The following ROBO1 variants were observed in gnomAD, a reference collection of about 807,000 sequenced individuals.
ROBO1 encodes the protein roundabout guidance receptor 1.
In ROBO1, 149 loss-of-function variants were observed where a neutral mutation model predicts 195.9. That is an observed-to-expected ratio of 0.76 (90% confidence interval 0.67 to 0.87). The LOEUF is 0.87. Among genes scored for constraint, ROBO1 ranks in the 40% least tolerant of loss-of-function variants. The pLI is 0.00. For synonymous variants in ROBO1, 816 were observed against 733.2 expected (o/e 1.11, Z -1.82); for missense variants, 1,933 against 2,068.3 (o/e 0.93, Z 1.27).
At chr3:79,078,717 A>G (rs2079218409) in intron 3 of ROBO1, among the ~76,000 whole-genome samples, 1 of 151,834 alleles carries the variant, frequency 6.6e-6, no homozygotes, top group African/African-American at 2.4e-5. Flanking sequence ...GGAACAGTTT[A>G]TAAAGCACTT....
intron 18 of ROBO1, among the ~76,000 whole-genome samples, chr3:78,656,288 C>T (rs536817759): frequency 3.3e-5 from 5 of 149,854 alleles, no homozygotes; most frequent in South Asian, 4.2e-4. Context: ...ATAAATTGGT[C>T]GTTGCTATAA....
intron 18 of ROBO1, among the ~76,000 whole-genome samples, chr3:78,655,593 C>A (rs1014349296): frequency 6.6e-6 from 1 of 152,168 alleles, no homozygotes; most frequent in Non-Finnish European, 1.5e-5. Flanking sequence ...GCAAGTGTAT[C>A]TATTACCGCA....
At chr3:78,972,333 G>A (rs1025112902) in intron 3 of ROBO1, among the ~76,000 whole-genome samples, 5 of 152,224 alleles carry the variant, frequency 3.3e-5, no homozygotes, top group Non-Finnish European at 1.5e-5. Flanking sequence ...CCAGGTCAAC[G>A]CTACATAGTA....
chr3:79,360,875 G>C (rs1167962111), intron 2 of ROBO1, among the ~76,000 whole-genome samples: 1 of 152,024 alleles, frequency 6.6e-6, no homozygotes, highest in African/African-American at 2.4e-5. Context: ...TATTTCTCTA[G>C]TGTGAAATAA....
intron 2 of ROBO1, among the ~76,000 whole-genome samples, chr3:79,143,578 G>A (rs1263543972): frequency 1.3e-5 from 2 of 151,992 alleles, no homozygotes; most frequent in Non-Finnish European, 2.9e-5. Flanking sequence ...GTATTCTGCT[G>A]TTTATTCTAC....
intron 2 of ROBO1, among the ~76,000 whole-genome samples, chr3:79,573,292 T>C (rs910920612): frequency 1.3e-5 from 2 of 152,132 alleles, no homozygotes; most frequent in Non-Finnish European, 2.9e-5. Context: ...GATCAAGCAA[T>C]CCTCCTTCTT....
At position 78,713,150 on chromosome 3, in the gene ROBO1, C is replaced by A. The variant is rs1192637303; in HGVS notation, c.1045+1247G>T. Among the ~76,000 whole-genome samples, 3 of 152,076 alleles carry A rather than the reference C, an allele frequency of 2.0e-5. No homozygotes were observed. The East Asian group carries it at 5.8e-4, about 29-fold the overall frequency. On this transcript the variant is annotated intron_variant, in intron 8 of 30. Coordinates refer to ENST00000464233, the MANE Select transcript of ROBO1 (RefSeq NM_002941.4). ...AACTTAGATTAAAGAGTAGTCTTGG[C>A]CTTAGAAACTCAATGTTTGTTCTTG...
chr3:79,423,602 C>A (rs755181975), intron 2 of ROBO1, among the ~76,000 whole-genome samples: 2 of 152,024 alleles, frequency 1.3e-5, no homozygotes, highest in South Asian at 2.1e-4. Context: ...ATTGAGAATG[C>A]GTGACTCATC....
At position 78,920,113 on chromosome 3, in the gene ROBO1, A is replaced by G. The variant is rs150523112; in HGVS notation, c.499+18488T>C. On this transcript the variant is annotated intron_variant, in intron 4 of 30. Transcript: ENST00000464233. ...CGTATTTTGCAACATACTGACTACTATAGTAACAATTATATTCCCAAAGGA... is the reference window on the plus strand; with the variant it reads ...CGTATTTTGCAACATACTGACTACTGTAGTAACAATTATATTCCCAAAGGA... Among the ~76,000 whole-genome samples, 55 of 152,328 alleles carry G rather than the reference A, an allele frequency of 3.6e-4. No individual in the cohort carries two copies. In the East Asian group the frequency reaches 8.3e-3, roughly 23 times the overall value.
intron 3 of ROBO1, among the ~76,000 whole-genome samples, chr3:79,051,473 C>T (rs868169618): frequency 6.6e-6 from 1 of 152,074 alleles, no homozygotes; most frequent in Non-Finnish European, 1.5e-5. Context: ...AATTCTACCA[C>T]AGGTACAAAC....
chr3:79,364,738 G>A (rs1324389251), intron 2 of ROBO1, among the ~76,000 whole-genome samples: 1 of 152,036 alleles, frequency 6.6e-6, no homozygotes, highest in East Asian at 1.9e-4. Context: ...ATCAAAAAAG[G>A]CATTGACATC....
rs746537675 is a variant in ROBO1, at chr3:78,938,750, G to A, written c.350C>T (p.Ser117Leu). The change falls in exon 4 of 31, where the codon TCA (serine) becomes TTA (leucine). Residue 117 changes from serine (S) to leucine (L), a missense_variant. Around this residue, in one of 3 missense-constraint regions of ROBO1, gnomAD observed 185 missense variants for 159.5 expected, o/e 1.16. Coordinates refer to ENST00000464233, the MANE Select transcript of ROBO1 (RefSeq NM_002941.4). ...RVETDKDDPRSHRMLLPSGSL... is the reference protein window; with the variant it reads ...RVETDKDDPRLHRMLLPSGSL... The stretch of plus-strand genomic sequence containing the variant: ...TCCACTCGGCAGCAACATTCGGTGT[G>A]AGCGAGGGTCATCTTTGTCTGTCTC... 3 of 1,613,976 alleles carry A rather than the reference G, an allele frequency of 1.9e-6. No homozygotes were observed. The South Asian group carries it at 3.3e-5, about 18-fold the overall frequency.
chr3:79,701,048 C>A (rs2107158957), intron 1 of ROBO1, among the ~76,000 whole-genome samples: 1 of 151,890 alleles, frequency 6.6e-6, no homozygotes, highest in South Asian at 2.1e-4. Flanking sequence ...CATATGGTAG[C>A]CATTTATCCC....
intron 3 of ROBO1, among the ~76,000 whole-genome samples, chr3:78,971,522 G>A (rs1018912127): frequency 6.6e-6 from 1 of 152,160 alleles, no homozygotes; most frequent in African/African-American, 2.4e-5. Context: ...ACACAGAAAA[G>A]GAGGTCTTGC....
At chr3:79,344,668 G>T (rs539326543) in intron 2 of ROBO1, among the ~76,000 whole-genome samples, 1 of 152,058 alleles carries the variant, frequency 6.6e-6, no homozygotes, top group East Asian at 1.9e-4. Context: ...CTTTTGTTAG[G>T]ATAGGTATGA....
chr3:78,960,672 C>T (rs1041023120), intron 3 of ROBO1, among the ~76,000 whole-genome samples: 3 of 151,628 alleles, frequency 2.0e-5, no homozygotes, highest in Non-Finnish European at 4.4e-5. Context: ...CTCAGTTCCT[C>T]GGGAGGCTGA....
chr3:79,735,726 C>G (rs1377263059), intron 1 of ROBO1, among the ~76,000 whole-genome samples: 1 of 152,004 alleles, frequency 6.6e-6, no homozygotes, highest in African/African-American at 2.4e-5. Context: ...GAAAAATTAG[C>G]CAGGCGTGGT....
chr3:78,656,121 G>GT lies in ROBO1; in HGVS notation c.2614+976dup, dbSNP rs780973363. The stretch of plus-strand genomic sequence containing the variant: ...TGTGGTAATGAAGCTTTTGATGTTA[G>GT]TTTTTTTTTTAATTCATCTAACCAC... On this transcript the variant is annotated intron_variant, in intron 18 of 30. Coordinates refer to ENST00000464233, the MANE Select transcript of ROBO1 (RefSeq NM_002941.4). Among the ~76,000 whole-genome samples the GT allele has an allele frequency of 3.4e-3, 497 of 147,804 alleles. 3 individuals are homozygous for GT. The Middle Eastern group carries it at 0.035, about 10-fold the overall frequency.
At chr3:79,423,906 C>A (rs1037552020) in intron 2 of ROBO1, among the ~76,000 whole-genome samples, 12 of 151,938 alleles carry the variant, frequency 7.9e-5, no homozygotes, top group African/African-American at 2.4e-4. Flanking sequence ...TCATAATTCT[C>A]CCATCTGCCC....
Sources: allele counts gnomAD v4.1 joint callset (sites outside exome capture counted in the v4.1 genomes callset), GRCh38; gene constraint gnomAD v4.1.1; regional missense constraint gnomAD v4.1.1; transcripts MANE v1.5; gene names NCBI Gene and HGNC (gene_info 2026-07-23, HGNC 2026-07-21).